The following CASR variants were observed in gnomAD, a reference collection of about 807,000 sequenced individuals.
The protein encoded by CASR is calcium sensing receptor, also known as extracellular calcium-sensing receptor.
CASR carries 23 observed loss-of-function variants against 69.1 expected under a neutral mutation model. That is an observed-to-expected ratio of 0.33 (90% CI 0.24 to 0.47). The LOEUF (loss-of-function observed/expected upper bound fraction) is 0.47, where lower values mean the gene tolerates loss of function less well. Ranked by LOEUF, CASR falls within the 20% of genes least tolerant of loss-of-function variation. The pLI is 1.00. For synonymous variants in CASR, 541 were observed against 544.7 expected (o/e 0.99, Z 0.10); for missense variants, 924 against 1,356.1 (o/e 0.68, Z 5.00).
chr3:122,213,163 C>G (rs1026606200), intron 1 of CASR, among the ~76,000 whole-genome samples: 6 of 152,174 alleles, frequency 3.9e-5, no homozygotes, highest in Non-Finnish European at 7.3e-5. Flanking sequence ...GATCATTCAG[C>G]CTCTTTTTGA....
intron 1 of CASR, among the ~76,000 whole-genome samples, chr3:122,189,385 T>C (rs1228797027): frequency 6.6e-6 from 1 of 152,242 alleles, no homozygotes; most frequent in Admixed American, 6.5e-5. Context: ...TTTGGCTCAG[T>C]TAATCCCCAG....
intron 1 of CASR, among the ~76,000 whole-genome samples, chr3:122,207,746 AT>A (rs2074021734): frequency 6.6e-6 from 1 of 152,150 alleles, no homozygotes; most frequent in African/African-American, 2.4e-5. Flanking sequence ...GGTTCATTTT[AT>A]TTTTCAGAAA....
At chr3:122,269,678 G>T (rs1318269049) in intron 4 of CASR, among the ~76,000 whole-genome samples, 1 of 152,122 alleles carries the variant, frequency 6.6e-6, no homozygotes, top group East Asian at 1.9e-4. Flanking sequence ...TAATGTCTTT[G>T]TCTGGTTTTG....
intron 1 of CASR, among the ~76,000 whole-genome samples, chr3:122,245,749 TAA>T (rs34638508): frequency 6.6e-6 from 1 of 152,072 alleles, no homozygotes; most frequent in African/African-American, 2.4e-5. Flanking sequence ...ACTTAGGAAA[TAA>T]AAGTCGGCCA....
At chr3:122,216,790 A>G (rs2074121361) in intron 1 of CASR, among the ~76,000 whole-genome samples, 1 of 152,228 alleles carries the variant, frequency 6.6e-6, no homozygotes, top group Admixed American at 6.5e-5. Flanking sequence ...AGTAGCTTAT[A>G]TGTCATGAGT....
At chr3:122,236,369 T>G (rs182316701) in intron 1 of CASR, among the ~76,000 whole-genome samples, 2 of 152,318 alleles carry the variant, frequency 1.3e-5, no homozygotes, top group East Asian at 3.9e-4. Flanking sequence ...TCATGATTCT[T>G]CCGGGCAAAG....
chr3:122,217,704 G>C (rs1476373718), intron 1 of CASR, among the ~76,000 whole-genome samples: 1 of 152,144 alleles, frequency 6.6e-6, no homozygotes, highest in Non-Finnish European at 1.5e-5. Flanking sequence ...AAAAAGGGAA[G>C]AAGGACTAAA....
At chr3:122,240,237 T>C (rs748152184) in intron 1 of CASR, among the ~76,000 whole-genome samples, 1 of 152,194 alleles carries the variant, frequency 6.6e-6, no homozygotes, top group Non-Finnish European at 1.5e-5. Flanking sequence ...TGCCATGACA[T>C]GTTTAAAGTG....
rs753238660 is a variant in CASR at position 122,275,905 on chromosome 3, A to G, written c.1471A>G (p.Ile491Val). 4.3e-6 allele frequency: 7 copies of G among 1,614,072 alleles called. 1 individual carries two copies. The South Asian group carries it at 6.6e-5, about 15-fold the overall frequency. Residue 491 changes from isoleucine to valine, a missense_variant, in exon 5 of 7, where the codon ATC (isoleucine) becomes GTC (valine). Transcript: ENST00000639785. ...ECGDLVGNYSIINWHLSPEDG... is the reference protein window; with the variant it reads ...ECGDLVGNYSVINWHLSPEDG... ...TGGTGACCTGGTGGGGAACTATTCC[A>G]TCATCAACTGGCACCTCTCCCCAGA...
chr3:122,274,400 A>G (rs17251221), intron 4 of CASR, among the ~76,000 whole-genome samples: 16,787 of 152,334 alleles, frequency 0.11, 1,226 homozygotes, highest in Middle Eastern at 0.26. Flanking sequence ...GTCTAAAAAT[A>G]AAGTTAATAC....
At chr3:122,228,579 G>A (rs1421050878) in intron 1 of CASR, among the ~76,000 whole-genome samples, 1 of 152,152 alleles carries the variant, frequency 6.6e-6, no homozygotes, top group Non-Finnish European at 1.5e-5. Context: ...ATCTGTCTCT[G>A]GCTGGAATTA....
At position 122,283,981 on chromosome 3, in the gene CASR, C is replaced by G. The variant is rs768204447; in HGVS notation, c.2027C>G (p.Thr676Arg). The G allele has an allele frequency of 1.9e-6, 3 of 1,613,540 alleles. No individual in the cohort carries two copies. The highest frequency in any genetic ancestry group is 2.2e-5 in the East Asian group (1 of 44,888). ...LFFIGEPQDW[T>R]CRLRQPAFGI... ...TTCATCGGGGAGCCCCAGGACTGGA[C>G]GTGCCGCCTGCGCCAGCCGGCCTTT... Residue 676 changes from threonine to arginine, a missense_variant, in exon 7 of 7, where the codon ACG becomes AGG. By Grantham distance (71) the Thr-to-Arg change is moderately conservative. This residue lies in a region of CASR where 184 missense variants were observed against 278.8 expected (regional missense o/e 0.66). Transcript: ENST00000639785.
At chr3:122,191,375 G>A (rs991904797) in intron 1 of CASR, among the ~76,000 whole-genome samples, 5 of 152,174 alleles carry the variant, frequency 3.3e-5, no homozygotes, top group Middle Eastern at 3.4e-3. Flanking sequence ...GCAACGGTGC[G>A]ATCTTGGCTC....
At position 122,195,869 on chromosome 3, in the gene CASR, C is replaced by T. The variant is rs543819908; in HGVS notation, c.-243+12057C>T. On this transcript the variant is annotated intron_variant, in intron 1 of 6. Coordinates refer to ENST00000639785, the MANE Select transcript of CASR (RefSeq NM_000388.4). ...TCAATAGCTCTTTCATACCCTACTG[C>T]GAGAGTATAAATGAATACACCCTTT... Among the ~76,000 whole-genome samples, 144 of 152,212 alleles carry T rather than the reference C, an allele frequency of 9.5e-4. 1 individual carries two copies. Among genetic ancestry groups the T allele is most frequent in the African/African-American group, 3.0e-3 (124 of 41,536 alleles).
At chr3:122,194,523 G>A (rs937627) in intron 1 of CASR, among the ~76,000 whole-genome samples, 1 of 151,840 alleles carries the variant, frequency 6.6e-6, no homozygotes, top group African/African-American at 2.4e-5. Flanking sequence ...AAAAAAATAG[G>A]CCAGGTTTCA....
intron 4 of CASR, among the ~76,000 whole-genome samples, chr3:122,263,994 G>A (rs1028470258): frequency 6.6e-6 from 1 of 152,018 alleles, no homozygotes; most frequent in Non-Finnish European, 1.5e-5. Context: ...CAAGAGTAGG[G>A]TTGAAGGAAA....
chr3:122,235,175 A>G (rs2107610970), intron 1 of CASR, among the ~76,000 whole-genome samples: 1 of 152,364 alleles, frequency 6.6e-6, no homozygotes, highest in East Asian at 1.9e-4. Flanking sequence ...TGAAGAATAT[A>G]TACTCATTCC....
At chr3:122,264,550 A>G (rs2074665552) in intron 4 of CASR, among the ~76,000 whole-genome samples, 1 of 152,180 alleles carries the variant, frequency 6.6e-6, no homozygotes, top group African/African-American at 2.4e-5. Context: ...CAAAATGTCC[A>G]CTACACAGAC....
At chr3:122,190,685 G>A (rs1446112085) in intron 1 of CASR, among the ~76,000 whole-genome samples, 1 of 152,204 alleles carries the variant, frequency 6.6e-6, no homozygotes, top group East Asian at 1.9e-4. Context: ...CACTGGAGGA[G>A]CTGAATGAAT....
Sources: gnomAD v4.1 joint callset for allele counts (sites outside exome capture counted in the v4.1 genomes callset) on GRCh38, gnomAD v4.1.1 for gene constraint, gnomAD v4.1.1 regional missense constraint, MANE v1.5 for transcripts, NCBI Gene and HGNC (gene_info 2026-07-23, HGNC 2026-07-21) for gene names.